The following SNTG1 variants were observed in gnomAD, a reference collection of about 807,000 sequenced individuals.
The protein encoded by SNTG1 is gamma-1-syntrophin.
SNTG1 carries 39 observed loss-of-function variants against 74.7 expected under a neutral mutation model. The observed-to-expected ratio is 0.52, with a 90% CI of 0.40 to 0.68. SNTG1 has a LOEUF of 0.68. Ranked by LOEUF, SNTG1 falls within the 30% of genes least tolerant of loss-of-function variation. The pLI is 0.00. For missense variants in SNTG1, 685 were observed against 609.5 expected (o/e 1.12, Z -1.30); for synonymous variants, 254 against 217.1 (o/e 1.17, Z -1.49).
At chr8:49,925,857 G>A (rs1349663700) in intron 1 of SNTG1, among the ~76,000 whole-genome samples, 1 of 152,148 alleles carries the variant, frequency 6.6e-6, no homozygotes, top group Non-Finnish European at 1.5e-5. Context: ...GTTGCTTTCA[G>A]TTTGGGGCTA....
chr8:50,028,549 G>C (rs1213734177), intron 1 of SNTG1, among the ~76,000 whole-genome samples: 1 of 149,246 alleles, frequency 6.7e-6, no homozygotes, highest in Non-Finnish European at 1.5e-5. Flanking sequence ...TTTTCAGACT[G>C]AATGCACCGT....
At chr8:50,723,213 TA>T (rs2095491970) in intron 17 of SNTG1, among the ~76,000 whole-genome samples, 1 of 152,206 alleles carries the variant, frequency 6.6e-6, no homozygotes, top group Non-Finnish European at 1.5e-5. Flanking sequence ...TTACTTAATA[TA>T]AAGGTTTTGG....
intron 2 of SNTG1, among the ~76,000 whole-genome samples, chr8:50,232,871 A>C (rs2085699011): frequency 6.6e-6 from 1 of 151,536 alleles, no homozygotes; most frequent in East Asian, 1.9e-4. Context: ...ATAAACTTAA[A>C]ACACCTACAG....
At chr8:50,461,957 C>T (rs563168742) in intron 8 of SNTG1, among the ~76,000 whole-genome samples, 32 of 152,066 alleles carry the variant, frequency 2.1e-4, no homozygotes, top group African/African-American at 7.0e-4. Flanking sequence ...GTATACATGC[C>T]TGTTCATATA....
chr8:50,363,635 A>G (rs1211000028), intron 2 of SNTG1, among the ~76,000 whole-genome samples: 2 of 152,232 alleles, frequency 1.3e-5, no homozygotes, highest in Non-Finnish European at 2.9e-5. Flanking sequence ...AATATTAAGC[A>G]TGTGACATCT....
At chr8:50,004,711 C>G (rs1585854981) in intron 1 of SNTG1, among the ~76,000 whole-genome samples, 1 of 152,110 alleles carries the variant, frequency 6.6e-6, no homozygotes, top group Non-Finnish European at 1.5e-5. Flanking sequence ...ATTTCTGGAG[C>G]CTTTAGAGAA....
chr8:50,263,620 A>T (rs1250759912), intron 2 of SNTG1, among the ~76,000 whole-genome samples: 1 of 152,194 alleles, frequency 6.6e-6, no homozygotes, highest in Non-Finnish European at 1.5e-5. Context: ...CTACTAAAAA[A>T]GTAACTTCAT....
rs550658416 is a variant in SNTG1, at chr8:49,987,330, A to C, written c.-103+75099A>C. On this transcript the variant is annotated intron_variant, in intron 1 of 18. Transcript: ENST00000642720. ...TCCAGAATGGCAATGTGAAACAACC[A>C]TAAAAATTAAAATTATAAAACAAAA... is the stretch of plus-strand genomic sequence containing the variant. Among the ~76,000 whole-genome samples the C allele has an allele frequency of 1.3e-4, 20 of 152,350 alleles. No homozygotes were observed. The South Asian group carries it at 4.1e-3, about 32-fold the overall frequency.
chr8:50,480,348 G>A (rs1482766750), intron 8 of SNTG1, among the ~76,000 whole-genome samples: 3 of 151,928 alleles, frequency 2.0e-5, no homozygotes, highest in African/African-American at 4.8e-5. Flanking sequence ...AGTCTCTTTC[G>A]GAATGAATGG....
intron 2 of SNTG1, among the ~76,000 whole-genome samples, chr8:50,340,121 A>G (rs1214157895): frequency 6.6e-6 from 1 of 151,998 alleles, no homozygotes; most frequent in African/African-American, 2.4e-5. Context: ...GTGGGAAGAA[A>G]TATTGTTAAG....
At chr8:50,634,248 G>A (rs941925832) in intron 13 of SNTG1, among the ~76,000 whole-genome samples, 1 of 152,198 alleles carries the variant, frequency 6.6e-6, no homozygotes, top group African/African-American at 2.4e-5. Context: ...TAGCTGTTTG[G>A]TCTGCCACTT....
At chr8:50,416,240 G>C (rs1045931692) in intron 4 of SNTG1, among the ~76,000 whole-genome samples, 1 of 152,026 alleles carries the variant, frequency 6.6e-6, no homozygotes, top group East Asian at 1.9e-4. Context: ...TCATTTGCTC[G>C]CACACTAAAT....
chr8:50,342,440 C>T (rs1013781893), intron 2 of SNTG1, among the ~76,000 whole-genome samples: 2 of 152,064 alleles, frequency 1.3e-5, no homozygotes, highest in African/African-American at 2.4e-5. Context: ...GAACCACAGA[C>T]TAATTATACT....
At position 50,494,292 on chromosome 8, in the gene SNTG1, T is replaced by G. The variant is rs545425923; in HGVS notation, c.364-8486T>G. Among the ~76,000 whole-genome samples the G allele has an allele frequency of 1.2e-4, 19 of 152,158 alleles. No individual in the cohort carries two copies. In the South Asian group the frequency reaches 3.7e-3, roughly 30 times the overall value. ...TAGCAAAATTTCATTTCTCACTTGC[T>G]GAATTCCATATGCTAATACTGTATT... is the stretch of plus-strand genomic sequence containing the variant. On this transcript the variant is annotated intron_variant, in intron 8 of 18. Coordinates refer to ENST00000642720, the MANE Select transcript of SNTG1 (RefSeq NM_018967.5).
At chr8:50,626,539 A>T (rs562312818) in intron 13 of SNTG1, among the ~76,000 whole-genome samples, 1 of 152,232 alleles carries the variant, frequency 6.6e-6, no homozygotes, top group Non-Finnish European at 1.5e-5. Context: ...AGTGATAAGC[A>T]TTATTTCTGT....
chr8:50,215,191 A>G (rs1193622495), intron 2 of SNTG1, among the ~76,000 whole-genome samples: 3 of 152,088 alleles, frequency 2.0e-5, no homozygotes, highest in Non-Finnish European at 2.9e-5. Context: ...GTCACAAGAC[A>G]AAAACAGAAC....
chr8:50,035,260 G>T (rs1439774164), intron 1 of SNTG1, among the ~76,000 whole-genome samples: 1 of 152,096 alleles, frequency 6.6e-6, no homozygotes, highest in East Asian at 1.9e-4. Flanking sequence ...GAATCCAAGT[G>T]CCCCCACTCC....
At chr8:50,039,657 A>G (rs1477025758) in intron 1 of SNTG1, among the ~76,000 whole-genome samples, 1 of 151,718 alleles carries the variant, frequency 6.6e-6, no homozygotes, top group East Asian at 1.9e-4. Context: ...TTTTTTGCCT[A>G]TAGAGTATAT....
chr8:50,085,869 G>C lies in SNTG1; in HGVS notation c.-102-86692G>C, dbSNP rs1278307964. On this transcript the variant is annotated intron_variant, in intron 1 of 18. Transcript: ENST00000642720. ...CACACTGATGCCCAAGCCTTGTGTT[G>C]GACCACTGAAATCGGAATCTCTGAC... is the stretch of plus-strand genomic sequence containing the variant. Among the ~76,000 whole-genome samples, 4 of 152,238 alleles carry C rather than the reference G, an allele frequency of 2.6e-5. No individual in the cohort carries two copies. The East Asian group carries it at 7.7e-4, about 29-fold the overall frequency.
Sources: allele counts gnomAD v4.1 joint callset (sites outside exome capture counted in the v4.1 genomes callset), GRCh38; gene constraint gnomAD v4.1.1; transcripts MANE v1.5; gene names NCBI Gene and HGNC (gene_info 2026-07-23, HGNC 2026-07-21).